AR: variants seen among roughly 807,000 people sequenced by gnomAD.
AR encodes androgen receptor.
Under a neutral mutation model 53.9 loss-of-function variants are expected in AR, and 8 were observed. The observed-to-expected ratio is 0.15, with a 90% confidence interval of 0.09 to 0.27. The LOEUF is 0.27. Ranked by LOEUF, AR falls within the 10% of genes least tolerant of loss-of-function variation. The pLI, the probability that AR is intolerant of heterozygous loss-of-function variation, is 1.00. For synonymous variants in AR, 359 were observed against 316.4 expected (o/e 1.13, Z -1.43); for missense variants, 639 against 742.5 (o/e 0.86, Z 1.62).
chrX:67,628,253 T>G (rs772853504), intron 1 of AR, among the ~76,000 whole-genome samples: 7,241 of 106,852 alleles, frequency 0.068, 608 homozygotes, highest in African/African-American at 0.23. Flanking sequence ...ACGATATTGA[T>G]TCTTCCTACC....
At chrX:67,574,327 C>T (rs1166121092) in intron 1 of AR, among the ~76,000 whole-genome samples, 2 of 111,469 alleles carry the variant, frequency 1.8e-5, no homozygotes. Flanking sequence ...TCTAAAACAA[C>T]AGAGGCAGCA....
intron 1 of AR, among the ~76,000 whole-genome samples, chrX:67,564,151 A>G (rs919461796): frequency 3.7e-4 from 41 of 111,769 alleles, no homozygotes; most frequent in African/African-American, 1.2e-3. Flanking sequence ...CAAACAGATT[A>G]AAACATTTTT....
chrX:67,588,826 T>C (rs984890064), intron 1 of AR, among the ~76,000 whole-genome samples: 2 of 112,404 alleles, frequency 1.8e-5, no homozygotes, highest in African/African-American at 3.2e-5. Context: ...TTTGTCATTT[T>C]AAGATCATCC....
At chrX:67,668,870 G>A (rs1221879133) in intron 2 of AR, among the ~76,000 whole-genome samples, 3 of 110,724 alleles carry the variant, frequency 2.7e-5, no homozygotes, top group Non-Finnish European at 5.7e-5. Context: ...GCCCTCTAAT[G>A]ATGCCTTGAA....
At chrX:67,571,649 T>G in intron 1 of AR, among the ~76,000 whole-genome samples, 1 of 111,455 alleles carries the variant, frequency 9.0e-6, no homozygotes, top group Non-Finnish European at 1.9e-5. Context: ...TTTGACCTAA[T>G]CCTCCTGTAA....
chrX:67,619,589 T>C (rs906110231), intron 1 of AR, among the ~76,000 whole-genome samples: 4 of 111,223 alleles, frequency 3.6e-5, no homozygotes, highest in African/African-American at 1.3e-4. Flanking sequence ...CATCAATTGC[T>C]GTATGTGGGT....
At chrX:67,672,020 G>T (rs776247570) in intron 2 of AR, among the ~76,000 whole-genome samples, 1 of 110,881 alleles carries the variant, frequency 9.0e-6, no homozygotes, top group East Asian at 2.8e-4. Flanking sequence ...GGTGAGAGAG[G>T]GAATCCTTGT....
In AR at chrX:67,560,822, A is replaced by G. The variant is rs997432152; in HGVS notation, c.1616+14060A>G. Among the ~76,000 whole-genome samples, 4 of 111,478 alleles carry G rather than the reference A, an allele frequency of 3.6e-5. No homozygotes were observed. The Admixed American group carries it at 3.8e-4, about 11-fold the overall frequency. ...TTTCAATACTATCCATTCTTCTATG[A>G]CAGCCCCCTACAAAATGAATATTCT... On this transcript the variant is annotated intron_variant, in intron 1 of 7. Transcript: ENST00000374690.
Position 67,704,679 on chromosome X carries a change from T to G in AR, c.1886-6723T>G, listed in dbSNP as rs1318150136. 2.7e-5 allele frequency among the ~76,000 whole-genome samples: 3 copies of G among 112,071 alleles called. No homozygotes were observed. In the Admixed American group the frequency reaches 2.8e-4, roughly 11 times the overall value. On this transcript the variant is annotated intron_variant, in intron 3 of 7. Coordinates refer to ENST00000374690, the MANE Select transcript of AR (RefSeq NM_000044.6). ...GATCCCATTTGTCAATTTTGGCTTT[T>G]GTTGCCATTGCTTTTGGTGTTTTAG...
chrX:67,661,320 T>C (rs1287136757), intron 2 of AR, among the ~76,000 whole-genome samples: 2 of 111,170 alleles, frequency 1.8e-5, no homozygotes, highest in Non-Finnish European at 3.8e-5. Flanking sequence ...TTCCAGTTTT[T>C]GCCCATTCAG....
intron 1 of AR, among the ~76,000 whole-genome samples, chrX:67,593,925 T>A (rs2147368543): frequency 8.9e-6 from 1 of 112,211 alleles, no homozygotes; most frequent in East Asian, 2.8e-4. Flanking sequence ...AAAGTGACTG[T>A]TTCTGTCTAT....
intron 1 of AR, among the ~76,000 whole-genome samples, chrX:67,639,076 C>G (rs1460278580): frequency 1.8e-5 from 2 of 111,831 alleles, no homozygotes; most frequent in East Asian, 5.6e-4. Flanking sequence ...AATAGGGAAT[C>G]CTTTCCCCAT....
chrX:67,568,883 C>A (rs1291880013), intron 1 of AR: 5 of 1,198,735 alleles, frequency 4.2e-6, no homozygotes, highest in African/African-American at 3.5e-5. Context: ...TCTGTTCCAT[C>A]TTCTTGCCTA....
intron 3 of AR, among the ~76,000 whole-genome samples, chrX:67,709,687 G>A (rs1260144727): frequency 8.9e-6 from 1 of 112,154 alleles, no homozygotes; most frequent in Non-Finnish European, 1.9e-5. Context: ...GATGAACCCG[G>A]TACCTCAGTC....
chrX:67,638,437 CCAA>C (rs1461759850), intron 1 of AR, among the ~76,000 whole-genome samples: 2 of 111,985 alleles, frequency 1.8e-5, no homozygotes, highest in African/African-American at 6.5e-5. Flanking sequence ...TACACTCCCA[CCAA>C]CAATGTAAAA....
chrX:67,626,270 GT>G (rs1924631783), intron 1 of AR, among the ~76,000 whole-genome samples: 1 of 109,116 alleles, frequency 9.2e-6, no homozygotes, highest in African/African-American at 3.3e-5. Flanking sequence ...ATCTCCATGA[GT>G]TCAGTAGTTT....
At chrX:67,630,864 G>A (rs922330192) in intron 1 of AR, among the ~76,000 whole-genome samples, 9 of 110,232 alleles carry the variant, frequency 8.2e-5, no homozygotes, top group African/African-American at 3.0e-4. Context: ...GCATTTGCTT[G>A]TCTGTAAAGG....
chrX:67,595,690 T>C (rs1923046369), intron 1 of AR, among the ~76,000 whole-genome samples: 1 of 107,146 alleles, frequency 9.3e-6, no homozygotes, highest in Admixed American at 1.0e-4. Context: ...GGTGCGTGCC[T>C]ATAGTCCCAG....
chrX:67,597,712 G>A (rs767345144), intron 1 of AR, among the ~76,000 whole-genome samples: 1 of 111,866 alleles, frequency 8.9e-6, no homozygotes, highest in South Asian at 3.7e-4. Flanking sequence ...GGGAGTGGGT[G>A]CCCTACCTTT....
Sources: gnomAD v4.1 joint callset for allele counts (sites outside exome capture counted in the v4.1 genomes callset) on GRCh38, gnomAD v4.1.1 for gene constraint, MANE v1.5 for transcripts, NCBI Gene and HGNC (gene_info 2026-07-23, HGNC 2026-07-21) for gene names.